Variants in PKHD1 observed in about 807,000 individuals in gnomAD.
PKHD1 encodes PKHD1 ciliary IPT domain containing fibrocystin/polyductin.
A neutral mutation model predicts 412.0 loss-of-function variants in PKHD1; 291 were observed. That is an observed-to-expected ratio of 0.71 (90% confidence interval 0.64 to 0.78). The LOEUF (loss-of-function observed/expected upper bound fraction) is 0.78. PKHD1 is among the 30% of genes least tolerant of loss of function. The pLI is 0.00. For missense variants in PKHD1, 4,825 were observed against 4,950.7 expected (o/e 0.97, Z 0.76); for synonymous variants, 1,777 against 1,821.5 (o/e 0.98, Z 0.62).
Position 51,747,846 on chromosome 6 carries a change from T to A in PKHD1, c.9770A>T (p.Gln3257Leu), listed in dbSNP as rs1377596279. 3 of 1,613,700 alleles carry A rather than the reference T, an allele frequency of 1.9e-6. No homozygotes were observed. Among genetic ancestry groups the A allele is most frequent in the Non-Finnish European group, 2.5e-6 (3 of 1,179,758 alleles). The change falls in exon 58 of 67, where the codon CAG (glutamine) becomes CTG (leucine). Residue 3257 changes from glutamine (Q) to leucine (L), a missense_variant. Physicochemically the swap from Gln to Leu is moderately radical, Grantham distance 113. Coordinates refer to ENST00000371117, the MANE Select transcript of PKHD1 (RefSeq NM_138694.4). ...VFTSEPNQWP[Q>L]EPWHKVRNDH... is the part of the protein sequence containing the mutation. ...ATTCCTCACTTTGTGCCATGGCTCC[T>A]GAGGCCACTGATTTGGTTCTGAGGT...
chr6:51,677,995 T>C (rs944288090), intron 60 of PKHD1, among the ~76,000 whole-genome samples: 1 of 152,196 alleles, frequency 6.6e-6, no homozygotes, highest in Non-Finnish European at 1.5e-5. Flanking sequence ...GTTTAGAAAG[T>C]GTTTTTGTAT....
In PKHD1 at chr6:51,659,269, CT is replaced by C. The variant is rs1554183235; in HGVS notation, c.10856del (p.Lys3619SerfsTer7). Reference protein sequence around the residue: ...KAIADSRAKRKRNCPTVTCTS... With the variant: ...KAIADSRAKRXRNCPTVTCTS... ...TGCAAGTCACAGTAGGGCAATTGCG[CT>C]TTCTTTTTGCTCTACTGTCAGCAAT... is the stretch of plus-strand genomic sequence containing the variant. On this transcript the variant is annotated frameshift_variant, in exon 61 of 67. Transcript: ENST00000371117. LOFTEE classifies it high-confidence loss of function. 1.2e-6 allele frequency: 2 copies of C among 1,613,860 alleles called. No homozygotes were observed. Among genetic ancestry groups the C allele is most frequent in the Non-Finnish European group, 1.7e-6 (2 of 1,179,880 alleles).
chr6:51,838,020 C>G (rs181175819), intron 50 of PKHD1, among the ~76,000 whole-genome samples: 1 of 152,158 alleles, frequency 6.6e-6, no homozygotes, highest in African/African-American at 2.4e-5. Context: ...TAACTTAATA[C>G]TAATAATAAA....
intron 60 of PKHD1, among the ~76,000 whole-genome samples, chr6:51,723,749 A>G (rs1782213946): frequency 6.6e-6 from 1 of 152,202 alleles, no homozygotes; most frequent in African/African-American, 2.4e-5. Context: ...AAAACATCTT[A>G]AATCACCAGG....
At chr6:51,834,004 G>C (rs893731701) in intron 51 of PKHD1, among the ~76,000 whole-genome samples, 1 of 152,108 alleles carries the variant, frequency 6.6e-6, no homozygotes, top group African/African-American at 2.4e-5. Context: ...ATTTTAGGTA[G>C]TCTCAAGTCT....
intron 53 of PKHD1, among the ~76,000 whole-genome samples, chr6:51,783,323 C>T (rs1229382376): frequency 6.8e-6 from 1 of 147,230 alleles, no homozygotes; most frequent in Non-Finnish European, 1.5e-5. Context: ...ATATGTGTTT[C>T]AAAAATGTAT....
chr6:51,966,190 C>G (rs1228079164), intron 35 of PKHD1, among the ~76,000 whole-genome samples: 1 of 152,036 alleles, frequency 6.6e-6, no homozygotes, highest in African/African-American at 2.4e-5. Flanking sequence ...GACATGTGCC[C>G]AAGGTGGTTG....
chr6:51,754,685 C>T (rs1786668446), intron 56 of PKHD1, 99 bp downstream of exon 56: 3 of 957,738 alleles, frequency 3.1e-6, no homozygotes, highest in Non-Finnish European at 5.1e-6. Flanking sequence ...ATTGTTCTTC[C>T]CCTCTGAATG....
chr6:51,658,904 AC>A (rs1312481032), intron 61 of PKHD1, 47 bp downstream of exon 61: 1 of 1,171,694 alleles, frequency 8.5e-7, no homozygotes, highest in African/African-American at 1.5e-5. Context: ...GTCAATATGG[AC>A]CTAAAAAATC....
intron 31 of PKHD1, among the ~76,000 whole-genome samples, chr6:52,026,532 G>T (rs935073777): frequency 6.6e-6 from 1 of 152,022 alleles, no homozygotes; most frequent in African/African-American, 2.4e-5. Context: ...TATATTATTG[G>T]AAATATTATC....
At position 52,055,721 on chromosome 6, in the gene PKHD1, C is replaced by A. The variant is rs140256839; in HGVS notation, c.1702G>T (p.Val568Phe). 1.4e-5 allele frequency: 23 copies of A among 1,613,780 alleles called. No homozygotes were observed. Among genetic ancestry groups the A allele is most frequent in the African/African-American group, 8.0e-5 (6 of 74,924 alleles). Residue 568 changes from valine to phenylalanine, a missense_variant, in exon 19 of 67, where the codon GTT becomes TTT. Physicochemically the swap from Val to Phe is conservative, Grantham distance 50. Transcript: ENST00000371117. ...LRLGFERGPE[V>F]SNSDGDLTSG... The stretch of plus-strand genomic sequence containing the variant: ...GTGAGGTCCCCATCAGAGTTGGAAA[C>A]TTCTGGGCCTGGATGCAGTTCAGAT...
At chr6:51,863,894 G>T (rs972668357) in intron 48 of PKHD1, among the ~76,000 whole-genome samples, 8 of 152,196 alleles carry the variant, frequency 5.3e-5, no homozygotes, top group African/African-American at 1.7e-4. Context: ...TTGTTGAGTT[G>T]CTATGTGTTA....
chr6:51,682,882 T>C (rs963906806), intron 60 of PKHD1, among the ~76,000 whole-genome samples: 9 of 152,022 alleles, frequency 5.9e-5, no homozygotes, highest in African/African-American at 2.2e-4. Flanking sequence ...TTCCTTATTA[T>C]GCATACAAAG....
intron 27 of PKHD1, among the ~76,000 whole-genome samples, chr6:52,036,536 C>A (rs111887218): frequency 3.9e-5 from 6 of 152,176 alleles, no homozygotes; most frequent in Non-Finnish European, 7.4e-5. Context: ...CCTTACCCCC[C>A]CTTGAGGGTG....
intron 33 of PKHD1, 40 bp from the exon 34 acceptor site, chr6:52,017,669 G>T (rs770719094): frequency 6.8e-7 from 1 of 1,474,070 alleles, no homozygotes; most frequent in East Asian, 2.3e-5. Context: ...ACCACAGAGA[G>T]AACCTAAGGC....
chr6:51,659,995 G>C, intron 60 of PKHD1, 26 bp from the exon 61 acceptor site: 2 of 1,353,818 alleles, frequency 1.5e-6, no homozygotes, highest in Non-Finnish European at 2.1e-6. Flanking sequence ...AGCAAAACAA[G>C]TGATATATGA....
chr6:51,649,325 C>T (rs1038559107), intron 61 of PKHD1, 105 bp from the exon 62 acceptor site: 14 of 863,384 alleles, frequency 1.6e-5, no homozygotes, highest in South Asian at 2.8e-5. Context: ...TTTGCATTTG[C>T]CTGTGTTTCT....
chr6:51,830,454 A>G (rs546613268), intron 52 of PKHD1, among the ~76,000 whole-genome samples: 1 of 152,150 alleles, frequency 6.6e-6, no homozygotes, highest in South Asian at 2.1e-4. Flanking sequence ...ATTTTTCCTC[A>G]GTCCTGTATT....
intron 23 of PKHD1, among the ~76,000 whole-genome samples, chr6:52,046,972 C>T (rs753342619): frequency 1.1e-4 from 16 of 152,226 alleles, no homozygotes; most frequent in Non-Finnish European, 1.8e-4. Flanking sequence ...TTGAATTCCA[C>T]GCTGCCCTGA....
Sources: allele counts gnomAD v4.1 joint callset (sites outside exome capture counted in the v4.1 genomes callset), GRCh38; gene constraint gnomAD v4.1.1; transcripts MANE v1.5; gene names NCBI Gene and HGNC (gene_info 2026-07-23, HGNC 2026-07-21).